NHS: variants seen among roughly 807,000 people sequenced by gnomAD.
NHS encodes the protein actin remodeling regulator NHS.
A neutral mutation model predicts 72.5 loss-of-function variants in NHS; 5 were observed. That is an observed-to-expected ratio of 0.07 (90% CI 0.04 to 0.14). The LOEUF (loss-of-function observed/expected upper bound fraction) is 0.14, where lower values mean the gene tolerates loss of function less well. Among genes scored for constraint, NHS ranks in the 10% least tolerant of loss-of-function variants. The pLI is 1.00. For missense variants in NHS, 1,072 were observed against 1,355.7 expected (o/e 0.79, Z 3.29); for synonymous variants, 464 against 547.7 (o/e 0.85, Z 2.13).
At chrX:17,609,676 C>A (rs2065699625) in intron 1 of NHS, among the ~76,000 whole-genome samples, 1 of 111,877 alleles carries the variant, frequency 8.9e-6, no homozygotes, top group African/African-American at 3.3e-5. Context: ...ACAACATCAC[C>A]AGAGGAGACA....
At chrX:17,570,574 G>A (rs2065471922) in intron 1 of NHS, among the ~76,000 whole-genome samples, 1 of 111,702 alleles carries the variant, frequency 9.0e-6, no homozygotes, top group South Asian at 3.8e-4. Context: ...TTTGGGCTGA[G>A]ATGATGGGGT....
At chrX:17,411,763 G>A (rs189751848) in intron 1 of NHS, among the ~76,000 whole-genome samples, 130 of 111,885 alleles carry the variant, frequency 1.2e-3, no homozygotes, top group African/African-American at 4.1e-3. Flanking sequence ...ACCATATTCT[G>A]TAAGATTTTC....
intron 1 of NHS, among the ~76,000 whole-genome samples, chrX:17,501,673 G>A: frequency 8.9e-6 from 1 of 111,998 alleles, no homozygotes; most frequent in Non-Finnish European, 1.9e-5. Context: ...GCTGCAGTGA[G>A]CCATGATTAC....
At chrX:17,428,996 C>T (rs113849314) in intron 1 of NHS, among the ~76,000 whole-genome samples, 3,074 of 111,714 alleles carry the variant, frequency 0.028, 110 homozygotes, top group African/African-American at 0.095. Context: ...TCAGGCACTA[C>T]ACCAGGCATT....
intron 1 of NHS, among the ~76,000 whole-genome samples, chrX:17,607,901 CTCTTTTTCTTT>C (rs2065689098): frequency 1.9e-5 from 2 of 106,823 alleles, no homozygotes; most frequent in Middle Eastern, 9.5e-3. Flanking sequence ...TTCGTTTCTT[CTCTTTTTCTTT>C]TCTTTTCTTT....
intron 1 of NHS, among the ~76,000 whole-genome samples, chrX:17,433,762 G>A (rs2064706468): frequency 1.8e-5 from 2 of 112,064 alleles, no homozygotes; most frequent in African/African-American, 6.5e-5. Flanking sequence ...ACAGGAATAT[G>A]GAGTGGTTCA....
chrX:17,649,497 T>C (rs192808923), intron 1 of NHS, among the ~76,000 whole-genome samples: 4 of 111,697 alleles, frequency 3.6e-5, no homozygotes, highest in Non-Finnish European at 7.5e-5. Context: ...CTTAATCTTC[T>C]CCTCTGATGC....
At chrX:17,542,999 A>G (rs1490801490) in intron 1 of NHS, among the ~76,000 whole-genome samples, 2 of 112,236 alleles carry the variant, frequency 1.8e-5, no homozygotes, top group Non-Finnish European at 3.8e-5. Context: ...ATTATTAATA[A>G]TGTCCTCATA....
At chrX:17,556,205 A>G (rs2065371998) in intron 1 of NHS, among the ~76,000 whole-genome samples, 2 of 112,851 alleles carry the variant, frequency 1.8e-5, no homozygotes, top group Non-Finnish European at 3.7e-5. Context: ...TCTGGACTGC[A>G]GGAAAGATTG....
intron 1 of NHS, among the ~76,000 whole-genome samples, chrX:17,591,677 A>T (rs66726016): frequency 0.089 from 9,924 of 111,205 alleles, 1,047 homozygotes; most frequent in African/African-American, 0.3. Flanking sequence ...TTGCCCCACA[A>T]ATCCATACTG....
At chrX:17,623,688 C>A (rs1369248846) in intron 1 of NHS, among the ~76,000 whole-genome samples, 1 of 111,986 alleles carries the variant, frequency 8.9e-6, no homozygotes, top group Non-Finnish European at 1.9e-5. Flanking sequence ...AAAGTGATTT[C>A]TTGACTGGAA....
At chrX:17,637,437 C>G (rs1239558592) in intron 1 of NHS, among the ~76,000 whole-genome samples, 2 of 111,227 alleles carry the variant, frequency 1.8e-5, no homozygotes, top group East Asian at 5.6e-4. Context: ...GAGGGCTCAA[C>G]TTTTTTGAAG....
intron 1 of NHS, among the ~76,000 whole-genome samples, chrX:17,473,226 T>G (rs1206729045): frequency 8.9e-6 from 1 of 112,223 alleles, no homozygotes; most frequent in Non-Finnish European, 1.9e-5. Context: ...GTGAGTGTAG[T>G]GTTCTTGAAC....
chrX:17,635,494 C>G, intron 1 of NHS: 3 of 1,167,627 alleles, frequency 2.6e-6, no homozygotes, highest in Non-Finnish European at 3.4e-6. Context: ...CAGCTTTCAG[C>G]TCTCTGGCAT....
chrX:17,646,286 C>G lies in NHS; in HGVS notation c.566-41456C>G, dbSNP rs543583972. On this transcript the variant is annotated intron_variant, in intron 1 of 8. Transcript: ENST00000676302. ...TGAATTACTCTGAACCAAAACCTTA[C>G]AAGAGCAAGCCAAACTGTGCCTTGA... Among the ~76,000 whole-genome samples, 4 of 111,990 alleles carry G rather than the reference C, an allele frequency of 3.6e-5. No homozygotes were observed. The South Asian group carries it at 1.5e-3, about 43-fold the overall frequency.
intron 1 of NHS, among the ~76,000 whole-genome samples, chrX:17,671,188 G>A (rs1406915484): frequency 1.8e-5 from 2 of 112,539 alleles, no homozygotes; most frequent in Admixed American, 9.4e-5. Flanking sequence ...TCTTGGCAAG[G>A]GGTGTGTTAG....
At chrX:17,525,638 C>CTTTTTTTTTTTT (rs1162709869) in intron 1 of NHS, among the ~76,000 whole-genome samples, 1 of 53,061 alleles carries the variant, frequency 1.9e-5, no homozygotes, top group African/African-American at 7.6e-5. Context: ...TCTTTCTTTT[C>CTTTTTTTTTTTT]TTTTTTTTTT....
intron 3 of NHS, among the ~76,000 whole-genome samples, chrX:17,709,062 A>G (rs2066313238): frequency 9.0e-6 from 1 of 111,143 alleles, no homozygotes; most frequent in African/African-American, 3.3e-5. Context: ...AGTGTCAGGT[A>G]TAAGATTGCA....
chrX:17,608,870 C>G (rs969594292), intron 1 of NHS, among the ~76,000 whole-genome samples: 19 of 111,830 alleles, frequency 1.7e-4, no homozygotes, highest in Non-Finnish European at 3.2e-4. Flanking sequence ...AAATAGTACT[C>G]AAAGCCTCAG....
Sources: allele counts gnomAD v4.1 joint callset (sites outside exome capture counted in the v4.1 genomes callset), GRCh38; gene constraint gnomAD v4.1.1; transcripts MANE v1.5; gene names NCBI Gene and HGNC (gene_info 2026-07-23, HGNC 2026-07-21).